Variants in ADGRG6 observed in about 807,000 individuals in gnomAD.
ADGRG6 encodes the protein G-protein coupled receptor 126.
ADGRG6 carries 84 observed loss-of-function variants against 142.4 expected under a neutral mutation model. The ratio of observed to expected loss-of-function variants is 0.59; its 90% CI spans 0.49 to 0.71. The LOEUF (loss-of-function observed/expected upper bound fraction) is 0.71, where lower values mean the gene tolerates loss of function less well. Ranked by LOEUF, ADGRG6 falls within the 30% of genes least tolerant of loss-of-function variation. The pLI is 0.00. For missense variants in ADGRG6, 1,367 were observed against 1,466.6 expected (o/e 0.93, Z 1.11); for synonymous variants, 521 against 520.5 (o/e 1.00, Z -0.01).
At chr6:142,435,317 C>T (rs935204462) in intron 22 of ADGRG6, among the ~76,000 whole-genome samples, 11 of 152,128 alleles carry the variant, frequency 7.2e-5, no homozygotes, top group African/African-American at 2.4e-4. Context: ...CACTTCCCTA[C>T]TGAACTTAAG....
chr6:142,383,512 T>C (rs975073330), intron 5 of ADGRG6, among the ~76,000 whole-genome samples: 9 of 152,106 alleles, frequency 5.9e-5, no homozygotes, highest in African/African-American at 2.2e-4. Context: ...AAATGTCCTT[T>C]CTCTCATCAC....
chr6:142,312,497 T>C (rs1562301471), intron 2 of ADGRG6, among the ~76,000 whole-genome samples: 2 of 152,052 alleles, frequency 1.3e-5, no homozygotes, highest in Non-Finnish European at 2.9e-5. Flanking sequence ...ACTTGTACCA[T>C]AGAAGTATGC....
chr6:142,417,932 T>G (rs1033222868), intron 21 of ADGRG6, among the ~76,000 whole-genome samples: 1 of 152,086 alleles, frequency 6.6e-6, no homozygotes, highest in African/African-American at 2.4e-5. Context: ...AATTACTGAA[T>G]GAATAAAGAG....
chr6:142,416,470 G>A (rs1776364747), intron 20 of ADGRG6, among the ~76,000 whole-genome samples: 1 of 152,152 alleles, frequency 6.6e-6, no homozygotes. Flanking sequence ...ACCAGAGAAA[G>A]AATGTTATTC....
chr6:142,440,485 G>C (rs537720709), intron 24 of ADGRG6, among the ~76,000 whole-genome samples: 1 of 152,004 alleles, frequency 6.6e-6, no homozygotes, highest in East Asian at 1.9e-4. Flanking sequence ...TTGTAGAGAT[G>C]AGGTCTCATC....
chr6:142,399,152 C>T (rs1775370408), intron 10 of ADGRG6, among the ~76,000 whole-genome samples: 1 of 152,084 alleles, frequency 6.6e-6, no homozygotes, highest in Non-Finnish European at 1.5e-5. Flanking sequence ...AACTTTGACC[C>T]TTCGCCTTCT....
At chr6:142,411,973 T>C (rs1224563827) in intron 18 of ADGRG6, among the ~76,000 whole-genome samples, 1 of 152,114 alleles carries the variant, frequency 6.6e-6, no homozygotes, top group Non-Finnish European at 1.5e-5. Context: ...AGAGAGATAA[T>C]GGTTATGATG....
At chr6:142,358,324 G>A (rs1196560963) in intron 2 of ADGRG6, among the ~76,000 whole-genome samples, 1 of 152,180 alleles carries the variant, frequency 6.6e-6, no homozygotes, top group Non-Finnish European at 1.5e-5. Flanking sequence ...AAGCAGATAA[G>A]ATCAAAATGA....
At chr6:142,388,239 A>G (rs1782127709) in intron 6 of ADGRG6, among the ~76,000 whole-genome samples, 1 of 152,204 alleles carries the variant, frequency 6.6e-6, no homozygotes, top group Admixed American at 6.5e-5. Context: ...AAAATTTTAA[A>G]TAAGTATAAC....
In ADGRG6 at chr6:142,338,300, G is replaced by A. The variant is rs376994402; in HGVS notation, c.103+28656G>A. Among the ~76,000 whole-genome samples the A allele has an allele frequency of 1.2e-4, 18 of 151,608 alleles. No homozygotes were observed. In the East Asian group the frequency reaches 3.3e-3, roughly 28 times the overall value. On this transcript the variant is annotated intron_variant, in intron 2 of 24. Coordinates refer to ENST00000367609, the MANE Select transcript of ADGRG6 (RefSeq NM_198569.3). ...TGGGATTACAGGCATGAGCCACCGC[G>A]CCCGGCCTATGCCTTGTATCTTTGA...
intron 21 of ADGRG6, among the ~76,000 whole-genome samples, chr6:142,418,996 A>C (rs1776520129): frequency 6.6e-6 from 1 of 152,096 alleles, no homozygotes; most frequent in Admixed American, 6.6e-5. Flanking sequence ...TCTCCATGTC[A>C]CTGGGATATT....
intron 2 of ADGRG6, among the ~76,000 whole-genome samples, chr6:142,364,100 G>C (rs772016508): frequency 6.6e-6 from 1 of 151,288 alleles, no homozygotes; most frequent in Admixed American, 6.6e-5. Context: ...GTGTGACTTT[G>C]TGTGAGTTAT....
At chr6:142,437,059 T>C (rs1716378959) in intron 22 of ADGRG6, among the ~76,000 whole-genome samples, 1 of 152,238 alleles carries the variant, frequency 6.6e-6, no homozygotes, top group South Asian at 2.1e-4. Flanking sequence ...TTCCATTTTC[T>C]CTTTTGTTAA....
chr6:142,408,275 A>G lies in ADGRG6; in HGVS notation c.2388+6A>G. On this transcript the variant is annotated splice_donor_region_variant and intron_variant, in intron 16 of 24. Coordinates refer to ENST00000367609, the MANE Select transcript of ADGRG6 (RefSeq NM_198569.3). ...TCAAACATACAAGAACTCAGGTAAG[A>G]AAACGCTCCCAATAGCATTTGGACA... 1 of 1,551,886 alleles carries G rather than the reference A, an allele frequency of 6.4e-7. No individual in the cohort carries two copies. The highest frequency in any genetic ancestry group is 8.7e-7 in the Non-Finnish European group (1 of 1,145,292).
At chr6:142,413,970 T>C (rs1776227521) in intron 18 of ADGRG6, among the ~76,000 whole-genome samples, 1 of 151,502 alleles carries the variant, frequency 6.6e-6, no homozygotes. Flanking sequence ...GCAGATTTTA[T>C]TGGCATTTTG....
intron 2 of ADGRG6, among the ~76,000 whole-genome samples, chr6:142,312,527 G>T (rs1301170801): frequency 6.6e-6 from 1 of 151,888 alleles, no homozygotes; most frequent in Non-Finnish European, 1.5e-5. Context: ...ATAAAAATGC[G>T]ATTTATTTTT....
chr6:142,366,865 T>C (rs536212204), intron 2 of ADGRG6, among the ~76,000 whole-genome samples: 1 of 152,232 alleles, frequency 6.6e-6, no homozygotes, highest in East Asian at 1.9e-4. Context: ...ACAATAAATA[T>C]TTACTAAATG....
At chr6:142,429,740 A>G (rs1320283201) in intron 22 of ADGRG6, among the ~76,000 whole-genome samples, 1 of 152,130 alleles carries the variant, frequency 6.6e-6, no homozygotes, top group Non-Finnish European at 1.5e-5. Flanking sequence ...CTAGTTCTTG[A>G]CCAGTTTTTC....
At chr6:142,352,766 T>C (rs1246907820) in intron 2 of ADGRG6, among the ~76,000 whole-genome samples, 2 of 152,166 alleles carry the variant, frequency 1.3e-5, no homozygotes, top group African/African-American at 4.8e-5. Flanking sequence ...CAAAAGCATA[T>C]ACATTATGTA....
Sources: gnomAD v4.1 joint callset for allele counts (sites outside exome capture counted in the v4.1 genomes callset) on GRCh38, gnomAD v4.1.1 for gene constraint, MANE v1.5 for transcripts, NCBI Gene and HGNC (gene_info 2026-07-23, HGNC 2026-07-21) for gene names.